The following ZFPM2 variants were observed in gnomAD, a reference collection of about 807,000 sequenced individuals.
The protein encoded by ZFPM2 is zinc finger protein, FOG family member 2, also known as zinc finger protein ZFPM2.
A neutral mutation model predicts 98.6 loss-of-function variants in ZFPM2; 20 were observed. The ratio of observed to expected loss-of-function variants is 0.20; its 90% CI spans 0.14 to 0.29. The LOEUF (loss-of-function observed/expected upper bound fraction) is 0.29, where lower values mean the gene tolerates loss of function less well. ZFPM2 is among the 10% of genes least tolerant of loss of function. The pLI is 1.00. For synonymous variants in ZFPM2, 518 were observed against 502.7 expected (o/e 1.03, Z -0.41); for missense variants, 1,310 against 1,388.6 (o/e 0.94, Z 0.90).
chr8:105,705,156 A>G (rs1811226824), intron 5 of ZFPM2, among the ~76,000 whole-genome samples: 1 of 151,892 alleles, frequency 6.6e-6, no homozygotes, highest in Admixed American at 6.6e-5. Flanking sequence ...GAATTGATAT[A>G]TATATATATA....
intron 1 of ZFPM2, among the ~76,000 whole-genome samples, chr8:105,406,763 C>T (rs766360268): frequency 7.2e-5 from 11 of 151,922 alleles, no homozygotes; most frequent in African/African-American, 1.7e-4. Context: ...ATCAAACTTT[C>T]GGCATGAATA....
At chr8:105,655,223 CTTTTTTTTTTTTTTT>C (rs34262627) in intron 5 of ZFPM2, among the ~76,000 whole-genome samples, 3 of 76,088 alleles carry the variant, frequency 3.9e-5, no homozygotes, top group South Asian at 5.3e-4. Context: ...TGCATTGAGT[CTTTTTTTTTTTTTTT>C]TTTTTTTTTT....
intron 2 of ZFPM2, among the ~76,000 whole-genome samples, chr8:105,439,324 T>C (rs1006731540): frequency 2.6e-5 from 4 of 152,186 alleles, no homozygotes; most frequent in Admixed American, 2.6e-4. Flanking sequence ...TATTCAGGTG[T>C]TCATGGTTCT....
intron 1 of ZFPM2, among the ~76,000 whole-genome samples, chr8:105,357,273 AT>A (rs1191922837): frequency 6.6e-6 from 1 of 151,988 alleles, no homozygotes; most frequent in Admixed American, 6.5e-5. Context: ...ATCCACAGCA[AT>A]TTTTCCTTTT....
At chr8:105,466,485 T>C (rs1034726570) in intron 3 of ZFPM2, among the ~76,000 whole-genome samples, 46 of 152,226 alleles carry the variant, frequency 3.0e-4, no homozygotes, top group African/African-American at 1.0e-3. Flanking sequence ...GCTGGTCTTA[T>C]GTATTTAGCA....
At chr8:105,799,089 T>C in intron 7 of ZFPM2, 141 bp downstream of exon 7, 1 of 721,856 alleles carries the variant, frequency 1.4e-6, no homozygotes, top group Non-Finnish European at 2.2e-6. Flanking sequence ...GGTCAACCAG[T>C]GTGATCTTAT....
At position 105,801,898 on chromosome 8, in the gene ZFPM2, C is replaced by T. The variant is rs1172820272; in HGVS notation, c.1816C>T (p.Leu606Phe). The change falls in exon 8 of 8, where the codon CTT becomes TTT. Residue 606 changes from leucine (L) to phenylalanine (F), a missense_variant. Leu to Phe is a conservative substitution (Grantham distance 22). Coordinates refer to ENST00000407775, the MANE Select transcript of ZFPM2 (RefSeq NM_012082.4). ...SPNTGQTSIN[L>F]LNPAAHSADP... ...CAACACTGGCCAAACCTCCATAAAC[C>T]TTCTCAACCCAGCTGCTCATTCTGC... 1 of 1,613,904 alleles carries T rather than the reference C, an allele frequency of 6.2e-7. No homozygotes were observed.
chr8:105,552,006 G>A (rs1359940848), intron 3 of ZFPM2, among the ~76,000 whole-genome samples: 1 of 152,112 alleles, frequency 6.6e-6, no homozygotes, highest in East Asian at 1.9e-4. Context: ...TGAAAAGCAG[G>A]CAGTTTTAAC....
chr8:105,798,511 C>T, intron 6 of ZFPM2: 1 of 493,990 alleles, frequency 2.0e-6, no homozygotes, highest in South Asian at 3.9e-5. Context: ...TCCTCTTTCT[C>T]TAGAGTCTGT....
At chr8:105,378,037 A>C (rs1192505136) in intron 1 of ZFPM2, among the ~76,000 whole-genome samples, 1 of 152,192 alleles carries the variant, frequency 6.6e-6, no homozygotes, top group African/African-American at 2.4e-5. Context: ...AGAGGATTCA[A>C]ATTATTGCCT....
intron 3 of ZFPM2, among the ~76,000 whole-genome samples, chr8:105,447,584 G>A (rs1179209628): frequency 2.6e-5 from 4 of 152,068 alleles, no homozygotes; most frequent in Non-Finnish European, 5.9e-5. Context: ...ATGAGGTATT[G>A]AAACAGATTT....
chr8:105,587,552 T>C (rs1366469838), intron 4 of ZFPM2, among the ~76,000 whole-genome samples: 1 of 152,194 alleles, frequency 6.6e-6, no homozygotes, highest in African/African-American at 2.4e-5. Flanking sequence ...GAATGCTCCT[T>C]ACATTGTAAA....
intron 2 of ZFPM2, among the ~76,000 whole-genome samples, chr8:105,437,830 G>A (rs1366280803): frequency 6.6e-6 from 1 of 152,158 alleles, no homozygotes; most frequent in Admixed American, 6.5e-5. Flanking sequence ...ATCACCAGAG[G>A]TCAGGAGTTC....
At chr8:105,705,569 A>T (rs917985703) in intron 5 of ZFPM2, among the ~76,000 whole-genome samples, 18 of 152,192 alleles carry the variant, frequency 1.2e-4, no homozygotes, top group African/African-American at 4.3e-4. Flanking sequence ...CATATGGCAA[A>T]TGAAGATAAA....
At chr8:105,770,578 A>C (rs1049488378) in intron 5 of ZFPM2, among the ~76,000 whole-genome samples, 1 of 152,102 alleles carries the variant, frequency 6.6e-6, no homozygotes, top group African/African-American at 2.4e-5. Context: ...ATTGCACAAT[A>C]ATTTATAATT....
At chr8:105,619,034 C>A (rs911836296) in intron 4 of ZFPM2, among the ~76,000 whole-genome samples, 1 of 151,910 alleles carries the variant, frequency 6.6e-6, no homozygotes. Context: ...ATGGATTAAA[C>A]CAAAATATTC....
At chr8:105,553,221 G>A (rs1412354108) in intron 3 of ZFPM2, among the ~76,000 whole-genome samples, 1 of 152,016 alleles carries the variant, frequency 6.6e-6, no homozygotes, top group East Asian at 1.9e-4. Context: ...AATGACAATT[G>A]GAAAGTTTCA....
chr8:105,359,329 C>T (rs1170289554), intron 1 of ZFPM2, among the ~76,000 whole-genome samples: 1 of 151,566 alleles, frequency 6.6e-6, no homozygotes, highest in African/African-American at 2.4e-5. Flanking sequence ...AAATTACCCA[C>T]TCTCGGGTAT....
chr8:105,399,789 C>T (rs1356416509), intron 1 of ZFPM2, among the ~76,000 whole-genome samples: 7 of 151,984 alleles, frequency 4.6e-5, no homozygotes, highest in South Asian at 2.1e-4. Context: ...TGTTTTGAGA[C>T]GAAGTCTTGC....
Sources: allele counts gnomAD v4.1 joint callset (sites outside exome capture counted in the v4.1 genomes callset), GRCh38; gene constraint gnomAD v4.1.1; transcripts MANE v1.5; gene names NCBI Gene and HGNC (gene_info 2026-07-23, HGNC 2026-07-21).